GULP1: variants seen among roughly 807,000 people sequenced by gnomAD.
The protein encoded by GULP1 is GULP PTB domain containing engulfment adaptor 1, also known as PTB domain-containing engulfment adapter protein 1.
Under a neutral mutation model 40.9 loss-of-function variants are expected in GULP1, and 19 were observed. That is an observed-to-expected ratio of 0.46 (90% CI 0.32 to 0.68). The LOEUF (loss-of-function observed/expected upper bound fraction) is 0.68. GULP1 is among the 30% of genes least tolerant of loss of function. The pLI is 0.03. For missense variants in GULP1, 312 were observed against 362.2 expected (o/e 0.86, Z 1.12); for synonymous variants, 119 against 117.6 (o/e 1.01, Z -0.08).
chr2:188,319,216 G>C (rs150189627), intron 1 of GULP1, among the ~76,000 whole-genome samples: 3 of 152,142 alleles, frequency 2.0e-5, no homozygotes, highest in Non-Finnish European at 2.9e-5. Flanking sequence ...CTTATTCTTT[G>C]TAAAAATAAA....
intron 2 of GULP1, among the ~76,000 whole-genome samples, chr2:188,412,897 A>G (rs542911603): frequency 9.8e-4 from 150 of 152,314 alleles, no homozygotes; most frequent in Middle Eastern, 3.4e-3. Flanking sequence ...TTGTACTTTC[A>G]TATGCTGTAT....
Position 188,469,993 on chromosome 2 carries a change from A to G in GULP1, c.-44-7666A>G, listed in dbSNP as rs374740857. On this transcript the variant is annotated intron_variant, in intron 2 of 11. Coordinates refer to ENST00000409830, the MANE Select transcript of GULP1 (RefSeq NM_016315.4). ...GTTGAGGATTTTTGCATCAGTATTC[A>G]TTAGTGATATTGGCTTATAGTTTTC... is the stretch of plus-strand genomic sequence containing the variant. 9.2e-5 allele frequency among the ~76,000 whole-genome samples: 14 copies of G among 152,280 alleles called. No homozygotes were observed. In the East Asian group the frequency reaches 1.2e-3, roughly 13 times the overall value.
rs1242925213 is a variant in GULP1 at position 188,292,925 on chromosome 2, A to C, written c.-172+759A>C. The C allele has an allele frequency of 6.6e-6, 1 of 152,340 alleles. No individual in the cohort carries two copies. 9.4% of individuals were successfully genotyped at this position (152,340 alleles called of 1,614,324 possible). On this transcript the variant is annotated intron_variant, in intron 1 of 11. Coordinates refer to ENST00000409830, the MANE Select transcript of GULP1 (RefSeq NM_016315.4). This position sits in a 1 kb window ranked among gnomAD's most constrained non-coding sequence, Gnocchi z 4.0. ...GCCGGGTCCACCTTCTCGTGGCCTCACTCGCCACACGGATCAGAATCCGGA... is the reference window on the plus strand; with the variant it reads ...GCCGGGTCCACCTTCTCGTGGCCTCCCTCGCCACACGGATCAGAATCCGGA...
intron 1 of GULP1, among the ~76,000 whole-genome samples, chr2:188,350,227 C>T (rs1017203427): frequency 3.9e-5 from 6 of 152,012 alleles, no homozygotes; most frequent in Non-Finnish European, 5.9e-5. Flanking sequence ...TTATCAATTT[C>T]TTCAAGAAAG....
chr2:188,365,485 A>AT (rs1480991748), intron 1 of GULP1, among the ~76,000 whole-genome samples: 2 of 152,192 alleles, frequency 1.3e-5, no homozygotes, highest in African/African-American at 4.8e-5. Flanking sequence ...GCTGTGAAAT[A>AT]TACCTGGTTG....
At chr2:188,576,643 T>C (rs1352354507) in intron 9 of GULP1, among the ~76,000 whole-genome samples, 1 of 152,178 alleles carries the variant, frequency 6.6e-6, no homozygotes, top group Non-Finnish European at 1.5e-5. Context: ...GGGTTCCTTT[T>C]CTATCAAGTG....
intron 1 of GULP1, among the ~76,000 whole-genome samples, chr2:188,349,026 A>G (rs1417783167): frequency 2.0e-5 from 3 of 152,262 alleles, no homozygotes; most frequent in Non-Finnish European, 4.4e-5. Flanking sequence ...TTCACATTTC[A>G]TCTTAAAACA....
chr2:188,322,606 C>A (rs1425945169), intron 1 of GULP1, among the ~76,000 whole-genome samples: 3 of 152,076 alleles, frequency 2.0e-5, no homozygotes, highest in African/African-American at 7.2e-5. Flanking sequence ...CACTGCAATT[C>A]TTCTCTACCT....
intron 7 of GULP1, among the ~76,000 whole-genome samples, chr2:188,562,829 A>G (rs183288266): frequency 2.2e-4 from 34 of 152,312 alleles, no homozygotes; most frequent in Admixed American, 2.2e-3. Context: ...AAAATATCAC[A>G]GCATATATTG....
chr2:188,465,472 G>A (rs986919033), intron 2 of GULP1, among the ~76,000 whole-genome samples: 13 of 151,974 alleles, frequency 8.6e-5, no homozygotes, highest in African/African-American at 2.9e-4. Flanking sequence ...GCAGCCTGAG[G>A]TTAGTGGAAA....
At chr2:188,468,848 T>A (rs1332506583) in intron 2 of GULP1, among the ~76,000 whole-genome samples, 1 of 152,058 alleles carries the variant, frequency 6.6e-6, no homozygotes, top group African/African-American at 2.4e-5. Flanking sequence ...GCAATTGCAA[T>A]AAGGAAAATA....
chr2:188,382,438 C>T (rs1038540627), intron 1 of GULP1, among the ~76,000 whole-genome samples: 25 of 152,114 alleles, frequency 1.6e-4, no homozygotes, highest in African/African-American at 4.6e-4. Flanking sequence ...TCTTCCACTC[C>T]GGGTCTCACT....
intron 9 of GULP1, among the ~76,000 whole-genome samples, chr2:188,581,470 T>A (rs1467318807): frequency 6.6e-6 from 1 of 152,182 alleles, no homozygotes; most frequent in East Asian, 1.9e-4. Context: ...GACTTAATTA[T>A]TACTTCCATT....
intron 1 of GULP1, among the ~76,000 whole-genome samples, chr2:188,328,067 A>G (rs548203251): frequency 6.6e-6 from 1 of 152,096 alleles, no homozygotes; most frequent in Admixed American, 6.6e-5. Context: ...AAGCATTTGG[A>G]GAGAGAGGAA....
intron 5 of GULP1, among the ~76,000 whole-genome samples, chr2:188,524,860 A>T (rs529677699): frequency 6.6e-6 from 1 of 151,782 alleles, no homozygotes; most frequent in African/African-American, 2.4e-5. Flanking sequence ...ATAATTCAGT[A>T]TGTGAATTTA....
intron 4 of GULP1, among the ~76,000 whole-genome samples, chr2:188,501,752 G>A (rs1393332866): frequency 6.6e-6 from 1 of 151,966 alleles, no homozygotes; most frequent in East Asian, 1.9e-4. Flanking sequence ...CAGCGTCTTA[G>A]AAAAAGGATG....
chr2:188,442,583 A>G (rs2058033908), intron 2 of GULP1, among the ~76,000 whole-genome samples: 1 of 152,162 alleles, frequency 6.6e-6, no homozygotes, highest in Non-Finnish European at 1.5e-5. Context: ...AAGTACTGAG[A>G]TGCTTTTGGG....
intron 2 of GULP1, among the ~76,000 whole-genome samples, chr2:188,465,633 G>C (rs2060047100): frequency 6.6e-6 from 1 of 152,140 alleles, no homozygotes; most frequent in Non-Finnish European, 1.5e-5. Flanking sequence ...CACTGGGATT[G>C]GCAATTCTCC....
At chr2:188,538,860 G>A (rs968092819) in intron 6 of GULP1, among the ~76,000 whole-genome samples, 1 of 151,938 alleles carries the variant, frequency 6.6e-6, no homozygotes, top group African/African-American at 2.4e-5. Context: ...CTAGATGTAT[G>A]TTGATATTTA....
Sources: gnomAD v4.1 joint callset for allele counts (sites outside exome capture counted in the v4.1 genomes callset) on GRCh38, gnomAD v4.1.1 for gene constraint, Gnocchi (gnomAD v3.1) non-coding constraint, MANE v1.5 for transcripts, NCBI Gene and HGNC (gene_info 2026-07-23, HGNC 2026-07-21) for gene names.